Variants in GXYLT1 observed in about 807,000 individuals in gnomAD.
GXYLT1 encodes the protein glycosyltransferase 8 domain containing 3.
GXYLT1 carries 29 observed loss-of-function variants against 54.0 expected under a neutral mutation model. That is an observed-to-expected ratio of 0.54 (90% CI 0.40 to 0.73). GXYLT1 has a LOEUF of 0.73. GXYLT1 is among the 30% of genes least tolerant of loss of function. The pLI is 0.00. For missense variants in GXYLT1, 490 were observed against 553.4 expected (o/e 0.89, Z 1.15); for synonymous variants, 176 against 204.1 (o/e 0.86, Z 1.17).
intron 5 of GXYLT1, among the ~76,000 whole-genome samples, chr12:42,099,066 T>C (rs2065374785): frequency 6.6e-6 from 1 of 152,044 alleles, no homozygotes; most frequent in Non-Finnish European, 1.5e-5. Flanking sequence ...GACTGGCAGC[T>C]TTGGCAATAT....
chr12:42,106,753 T>C (rs1481910994), intron 4 of GXYLT1, among the ~76,000 whole-genome samples: 1 of 146,534 alleles, frequency 6.8e-6, no homozygotes. Context: ...CTTTTTTTTT[T>C]TTTTTTTTTT....
In GXYLT1 at chr12:42,109,672, A is replaced by G. The variant is rs536740619; in HGVS notation, c.506T>C (p.Leu169Pro). The G allele has an allele frequency of 3.9e-6, 6 of 1,528,262 alleles. No individual in the cohort carries two copies. The East Asian group carries it at 1.4e-4, about 35-fold the overall frequency. The allele number at this position is 1,528,262 out of a possible 1,614,324, so 94.7% of individuals were successfully genotyped here. A position where few individuals can be genotyped will look rare whatever the true frequency, so the allele number is the denominator to read the frequency against. ...FKGRLDNWSF[L>P]QTFNYTLYPI... is the part of the protein sequence containing the mutation. ...GTATAACGTATAATTAAATGTTTGTAGAAATGACCAGTTGTCAAGCTAAAA... is the reference window on the plus strand; with the variant it reads ...GTATAACGTATAATTAAATGTTTGTGGAAATGACCAGTTGTCAAGCTAAAA... Residue 169 changes from leucine to proline, a missense_variant, in exon 4 of 8, where the codon CTA becomes CCA. Transcript: ENST00000398675.
At chr12:42,124,542 A>G (rs2065550039) in intron 2 of GXYLT1, among the ~76,000 whole-genome samples, 1 of 152,246 alleles carries the variant, frequency 6.6e-6, no homozygotes, top group Non-Finnish European at 1.5e-5. Flanking sequence ...GTGGAAATAC[A>G]TTCAACAAAT....
chr12:42,129,611 C>A, intron 2 of GXYLT1, 148 bp downstream of exon 2: 1 of 512,032 alleles, frequency 2.0e-6, no homozygotes, highest in Non-Finnish European at 3.4e-6. Flanking sequence ...ATAACAACTA[C>A]AAAATGGGAA....
chr12:42,089,509 A>G (rs2065317095), intron 7 of GXYLT1, among the ~76,000 whole-genome samples: 1 of 152,208 alleles, frequency 6.6e-6, no homozygotes, highest in Non-Finnish European at 1.5e-5. Context: ...CATATAAAAG[A>G]GTTGTATATG....
chr12:42,144,647 C>T lies in GXYLT1; in HGVS notation c.-1G>A, dbSNP rs1236942385. The stretch of plus-strand genomic sequence containing the variant: ...CCACGACGCGCAGGTAGCGCCGCAT[C>T]GCCCCGGCCGCGCTCCTCCTTCGCC... On this transcript the variant is annotated 5_prime_UTR_variant, in exon 1 of 8. Coordinates refer to ENST00000398675, the MANE Select transcript of GXYLT1 (RefSeq NM_173601.2). 1 of 1,437,288 alleles carries T rather than the reference C, an allele frequency of 7.0e-7. No individual in the cohort carries two copies. Among genetic ancestry groups the T allele is most frequent in the South Asian group, 1.4e-5 (1 of 72,842 alleles). The allele number at this position is 1,437,288 out of a possible 1,614,324, so 89.0% of individuals were successfully genotyped here.
intron 7 of GXYLT1, among the ~76,000 whole-genome samples, chr12:42,092,541 C>G (rs1016744009): frequency 3.9e-5 from 6 of 152,180 alleles, no homozygotes; most frequent in African/African-American, 1.4e-4. Context: ...TGTCCCCCAT[C>G]AATCCACCCC....
chr12:42,126,073 CTTTTTT>C (rs35070036), intron 2 of GXYLT1, among the ~76,000 whole-genome samples: 2 of 135,254 alleles, frequency 1.5e-5, no homozygotes, highest in East Asian at 2.1e-4. Context: ...CCAGTAGGAA[CTTTTTT>C]TTTTTTTTTT....
intron 5 of GXYLT1, among the ~76,000 whole-genome samples, chr12:42,099,069 G>A (rs1479878656): frequency 6.6e-6 from 1 of 151,944 alleles, no homozygotes; most frequent in Non-Finnish European, 1.5e-5. Flanking sequence ...TGGCAGCTTT[G>A]GCAATATTAA....
chr12:42,110,574 TCA>T, intron 3 of GXYLT1, among the ~76,000 whole-genome samples: 1 of 152,334 alleles, frequency 6.6e-6, no homozygotes, highest in Middle Eastern at 3.4e-3. Flanking sequence ...AGACAAGGTC[TCA>T]CTCTGTCACC....
At chr12:42,111,876 G>C (rs993117493) in intron 3 of GXYLT1, among the ~76,000 whole-genome samples, 3 of 152,198 alleles carry the variant, frequency 2.0e-5, no homozygotes, top group African/African-American at 7.2e-5. Context: ...GCCTAACTGG[G>C]AGGCACCCCA....
At chr12:42,097,411 A>G in intron 7 of GXYLT1, 31 bp downstream of exon 7, 1 of 1,510,764 alleles carries the variant, frequency 6.6e-7, no homozygotes, top group Non-Finnish European at 8.8e-7. Flanking sequence ...TTTCAAACAA[A>G]AAGTTAAAAA....
At chr12:42,115,485 AAC>A (rs1359731561) in intron 3 of GXYLT1, among the ~76,000 whole-genome samples, 2 of 152,190 alleles carry the variant, frequency 1.3e-5, no homozygotes, top group African/African-American at 4.8e-5. Context: ...ATACAGCAAT[AAC>A]AGACAACTAG....
At chr12:42,088,616 T>C (rs1332887744) in intron 7 of GXYLT1, among the ~76,000 whole-genome samples, 1 of 152,180 alleles carries the variant, frequency 6.6e-6, no homozygotes, top group Non-Finnish European at 1.5e-5. Context: ...CTATAAAATA[T>C]ACTAATATCG....
intron 1 of GXYLT1, among the ~76,000 whole-genome samples, chr12:42,138,595 T>A (rs1227429797): frequency 6.6e-6 from 1 of 152,026 alleles, no homozygotes; most frequent in African/African-American, 2.4e-5. Context: ...GTAAACACGA[T>A]AAAGTAAAAA....
intron 3 of GXYLT1, among the ~76,000 whole-genome samples, chr12:42,116,312 G>A (rs889484938): frequency 3.3e-5 from 5 of 152,136 alleles, no homozygotes; most frequent in African/African-American, 1.2e-4. Context: ...CTTCTGCACA[G>A]CAAAAGAAAC....
rs73125998 is a variant in GXYLT1, at chr12:42,087,255, T to C, written c.*531A>G. On this transcript the variant is annotated 3_prime_UTR_variant, in exon 8 of 8. Transcript: ENST00000398675. ...TTAAACATGATTGTCATAAAAATAT[T>C]TTAAAACAGAGATGAAATGTATAAA... The C allele has an allele frequency of 3.1e-4, 45 of 144,020 alleles. No homozygotes were observed. Among genetic ancestry groups the C allele is most frequent in the African/African-American group, 3.8e-4 (15 of 39,712 alleles). 8.9% of individuals were successfully genotyped at this position (144,020 alleles called of 1,614,324 possible).
At chr12:42,124,552 TAATC>T (rs1238350442) in intron 2 of GXYLT1, among the ~76,000 whole-genome samples, 1 of 152,094 alleles carries the variant, frequency 6.6e-6, no homozygotes, top group Non-Finnish European at 1.5e-5. Context: ...ATTCAACAAA[TAATC>T]AACAAAAAGC....
At chr12:42,124,482 T>C (rs1369522953) in intron 2 of GXYLT1, among the ~76,000 whole-genome samples, 2 of 151,926 alleles carry the variant, frequency 1.3e-5, no homozygotes, top group Non-Finnish European at 2.9e-5. Context: ...TAGATAACTA[T>C]CAATATCAAA....
Sources: gnomAD v4.1 joint callset for allele counts (sites outside exome capture counted in the v4.1 genomes callset) on GRCh38, gnomAD v4.1.1 for gene constraint, MANE v1.5 for transcripts, NCBI Gene and HGNC (gene_info 2026-07-23, HGNC 2026-07-21) for gene names.